The following MOV10L1 variants were observed in gnomAD, a reference collection of about 807,000 sequenced individuals.
The protein encoded by MOV10L1 is Mov10 like RNA helicase 1, also known as RNA helicase Mov10l1.
A neutral mutation model predicts 143.8 loss-of-function variants in MOV10L1; 110 were observed. The observed-to-expected ratio is 0.76, with a 90% CI of 0.66 to 0.90. The LOEUF (loss-of-function observed/expected upper bound fraction) is 0.90. MOV10L1 is among the 40% of genes least tolerant of loss of function. The pLI, the probability that MOV10L1 is intolerant of heterozygous loss-of-function variation, is 0.00. For missense variants in MOV10L1, 1,406 were observed against 1,526.8 expected, an observed-to-expected ratio of 0.92 and a Z score of 1.32; for synonymous variants, 593 against 581.1, an observed-to-expected ratio of 1.02 and a Z score of -0.29.
chr22:50,135,468 C>G (rs768248676), intron 15 of MOV10L1, among the ~76,000 whole-genome samples: 1 of 151,948 alleles, frequency 6.6e-6, no homozygotes, highest in Non-Finnish European at 1.5e-5. Flanking sequence ...ATAAAAACTT[C>G]TAGGCCGGTC....
chr22:50,155,080 T>C, intron 22 of MOV10L1, among the ~76,000 whole-genome samples: 1 of 152,326 alleles, frequency 6.6e-6, no homozygotes, highest in East Asian at 1.9e-4. Flanking sequence ...GATTGGTTGC[T>C]ATTCATTGAA....
chr22:50,110,871 C>T (rs2062005664), intron 5 of MOV10L1, among the ~76,000 whole-genome samples: 1 of 152,090 alleles, frequency 6.6e-6, no homozygotes, highest in East Asian at 1.9e-4. Context: ...GCAGAAGTTG[C>T]AGTGAGCAGA....
chr22:50,131,383 C>T (rs555588899), intron 13 of MOV10L1, among the ~76,000 whole-genome samples: 1 of 152,326 alleles, frequency 6.6e-6, no homozygotes, highest in African/African-American at 2.4e-5. Context: ...AATATTTCCT[C>T]AGACTACAGC....
chr22:50,135,862 T>G (rs997994176), intron 15 of MOV10L1, among the ~76,000 whole-genome samples: 1 of 151,892 alleles, frequency 6.6e-6, no homozygotes, highest in African/African-American at 2.4e-5. Flanking sequence ...GTGAATACAA[T>G]AGAAGTGGTT....
chr22:50,120,517 A>G lies in MOV10L1; in HGVS notation c.1470A>G (p.Gln490=), dbSNP rs71316583. 0.056 allele frequency: 89,494 copies of G among 1,609,066 alleles called. 3,042 individuals are homozygous for G. Among genetic ancestry groups the G allele is most frequent in the Middle Eastern group, 0.12 (732 of 6,044 alleles). Residue 490 remains glutamine, a synonymous_variant, in exon 10 of 27, where the codon CAA becomes CAG. Transcript: ENST00000262794. The part of the protein sequence containing the change: ...VTAQKRNSRR[Q]LPSFLPQYPI... The stretch of plus-strand genomic sequence containing the variant: ...ATTTTTTAAGGAACTCAAGACGACA[A>G]CTTCCAAGTTTTCTTCCCCAATATC...
rs2147024108 is a variant in MOV10L1, at chr22:50,158,117, G to A, written c.3127G>A (p.Val1043Ile). The change falls in exon 23 of 27, where the codon GTC (valine) becomes ATC (isoleucine). Residue 1043 changes from valine (V) to isoleucine (I), a missense_variant. By Grantham distance (29) the Val-to-Ile change is conservative. Around this residue, in one of 3 missense-constraint regions of MOV10L1, gnomAD observed 1,233 missense variants for 1,351.4 expected, o/e 0.91. Coordinates refer to ENST00000262794, the MANE Select transcript of MOV10L1 (RefSeq NM_018995.3). This position sits in a 1 kb window ranked among gnomAD's most constrained non-coding sequence, Gnocchi z 5.0. ...SWFNPAEAVQ[V>I]LRYCCLLAHS... ...GTTCAACCCGGCCGAGGCCGTCCAG[G>A]TCCTGCGCTACTGCTGCCTCCTGGC... 3 of 1,614,194 alleles carry A rather than the reference G, an allele frequency of 1.9e-6. No homozygotes were observed. Among genetic ancestry groups the A allele is most frequent in the Non-Finnish European group, 1.7e-6 (2 of 1,180,034 alleles).
At chr22:50,098,237 A>C (rs1189266400) in intron 2 of MOV10L1, among the ~76,000 whole-genome samples, 1 of 148,994 alleles carries the variant, frequency 6.7e-6, no homozygotes, top group Non-Finnish European at 1.5e-5. Flanking sequence ...TTAACATCTT[A>C]ATAATAATTA....
chr22:50,114,933 C>G (rs913198627), intron 7 of MOV10L1, among the ~76,000 whole-genome samples, 181 bp from the exon 8 acceptor site: 4 of 152,238 alleles, frequency 2.6e-5, no homozygotes, highest in African/African-American at 9.6e-5. Context: ...CAGCCCTCTC[C>G]TACTTCCAGC....
chr22:50,151,629 G>A (rs910547108), intron 21 of MOV10L1, among the ~76,000 whole-genome samples: 27 of 152,216 alleles, frequency 1.8e-4, no homozygotes, highest in African/African-American at 5.3e-4. Flanking sequence ...ATGGCCGGCC[G>A]TGAGCAGCTG....
chr22:50,150,152 C>T (rs2063257853), intron 20 of MOV10L1, among the ~76,000 whole-genome samples: 2 of 152,234 alleles, frequency 1.3e-5, no homozygotes, highest in African/African-American at 4.8e-5. Flanking sequence ...GTGGGCATCA[C>T]CTTGAACTTC....
intron 11 of MOV10L1, 146 bp from the exon 12 acceptor site, chr22:50,126,056 T>G: frequency 1.8e-6 from 1 of 561,422 alleles, no homozygotes; most frequent in East Asian, 3.3e-5. Context: ...CCTCTCAAAG[T>G]GCTGGGATTA....
rs2063538575 is a variant in MOV10L1, at chr22:50,160,723, A to G, written c.3360A>G (p.Arg1120=). 1 of 1,614,000 alleles carries G rather than the reference A, an allele frequency of 6.2e-7. No individual in the cohort carries two copies. The highest frequency in any genetic ancestry group is 8.5e-7 in the Non-Finnish European group (1 of 1,180,022). Residue 1120 remains arginine (R), a synonymous_variant, in exon 25 of 27, where the codon CGA becomes CGG. Coordinates refer to ENST00000262794, the MANE Select transcript of MOV10L1 (RefSeq NM_018995.3). ...ATGAAGATAGATTTGAAGATGATCG[A>G]TATTTTTTGGGTTTCTTGTCCAACT... ...RSNEDRFEDD[R]YFLGFLSNSK...
intron 15 of MOV10L1, among the ~76,000 whole-genome samples, chr22:50,135,615 A>T (rs1342175640): frequency 6.6e-6 from 1 of 151,834 alleles, no homozygotes; most frequent in Non-Finnish European, 1.5e-5. Context: ...GCCGGGCATG[A>T]TGGTGTACAC....
chr22:50,146,842 T>G, intron 19 of MOV10L1: 28 of 504,804 alleles, frequency 5.5e-5, no homozygotes, highest in Admixed American at 9.7e-5. Context: ...CCTTTCATCA[T>G]GAGATTAGTA....
chr22:50,128,447 A>G lies in MOV10L1; in HGVS notation c.1850A>G (p.Asn617Ser), dbSNP rs1362683660. The change falls in exon 13 of 27, where the codon AAT becomes AGT. Residue 617 changes from asparagine (N) to serine (S), a missense_variant. Asn to Ser is a conservative substitution (Grantham distance 46, BLOSUM62 1). Coordinates refer to ENST00000262794, the MANE Select transcript of MOV10L1 (RefSeq NM_018995.3). ...GAAGAAGATGTAACTCTTAAAATTA[A>G]TCCAGAATTTGAACAAGCCTATAAC... ...IHEEDVTLKINPEFEQAYNFE... is the reference protein window; with the variant it reads ...IHEEDVTLKISPEFEQAYNFE... 6.4e-7 allele frequency: 1 copy of G among 1,557,172 alleles called. No individual in the cohort carries two copies. Among genetic ancestry groups the G allele is most frequent in the Non-Finnish European group, 8.8e-7 (1 of 1,132,294 alleles).
intron 5 of MOV10L1, among the ~76,000 whole-genome samples, chr22:50,112,361 A>G (rs1290264219): frequency 6.6e-6 from 1 of 151,692 alleles, no homozygotes; most frequent in Admixed American, 6.6e-5. Flanking sequence ...TCTGAGTCGG[A>G]CTCCTCAGGC....
At position 50,143,076 on chromosome 22, in the gene MOV10L1, T is replaced by C. The variant is rs762415682; in HGVS notation, c.2213T>C (p.Met738Thr). ...DEIQTPKARK[M>T]EFFNPVLNEN... ...ATTCAGACCCCTAAAGCAAGAAAGA[T>C]GGAGTTTTTCAACCCAGTGCTAAAT... Residue 738 changes from methionine (M) to threonine (T), a missense_variant, in exon 17 of 27, where the codon ATG becomes ACG. Transcript: ENST00000262794. 1.2e-6 allele frequency: 2 copies of C among 1,614,060 alleles called. No homozygotes were observed. Among genetic ancestry groups the C allele is most frequent in the South Asian group, 2.2e-5 (2 of 91,082 alleles).
chr22:50,143,397 T>G (rs1163920431), intron 17 of MOV10L1, 176 bp downstream of exon 17: 2 of 730,000 alleles, frequency 2.7e-6, no homozygotes, highest in Non-Finnish European at 4.6e-6. Flanking sequence ...ATTTAAAAGC[T>G]TATTTCATAG....
At chr22:50,122,883 C>T (rs1012191042) in intron 10 of MOV10L1, among the ~76,000 whole-genome samples, 4 of 151,918 alleles carry the variant, frequency 2.6e-5, no homozygotes, top group African/African-American at 9.7e-5. Context: ...GGCACACCAC[C>T]ATGCCCGGCT....
Sources: gnomAD v4.1 joint callset for allele counts (sites outside exome capture counted in the v4.1 genomes callset) on GRCh38, gnomAD v4.1.1 for gene constraint, gnomAD v4.1.1 regional missense constraint, Gnocchi (gnomAD v3.1) non-coding constraint, MANE v1.5 for transcripts, NCBI Gene and HGNC (gene_info 2026-07-23, HGNC 2026-07-21) for gene names.